COMMD10: variants seen among roughly 807,000 people sequenced by gnomAD.
COMMD10 encodes the protein COMM domain-containing protein 10.
Under a neutral mutation model 28.9 loss-of-function variants are expected in COMMD10, and 33 were observed. The observed-to-expected ratio is 1.14, with a 90% CI of 0.87 to 1.53. The LOEUF is 1.53. Among genes scored for constraint, COMMD10 ranks in the 40% most tolerant of loss-of-function variants. COMMD10 has a pLI of 0.00. For missense variants in COMMD10, 310 were observed against 233.4 expected, an observed-to-expected ratio of 1.33 and a Z score of -2.14; for synonymous variants, 110 against 81.7, an observed-to-expected ratio of 1.35 and a Z score of -1.87.
chr5:116,153,539 A>T (rs1212726361), intron 5 of COMMD10, among the ~76,000 whole-genome samples: 1 of 152,142 alleles, frequency 6.6e-6, no homozygotes, highest in Non-Finnish European at 1.5e-5. Context: ...ATGATAATAG[A>T]TAGCATTTAT....
At chr5:116,169,527 A>C (rs1418632017) in intron 5 of COMMD10, among the ~76,000 whole-genome samples, 1 of 152,216 alleles carries the variant, frequency 6.6e-6, no homozygotes, top group African/African-American at 2.4e-5. Context: ...CCTGGCAGAG[A>C]CACAACAAAA....
intron 5 of COMMD10, among the ~76,000 whole-genome samples, chr5:116,151,127 T>A (rs954604645): frequency 6.6e-6 from 1 of 152,084 alleles, no homozygotes; most frequent in African/African-American, 2.4e-5. Flanking sequence ...CATGTGGTTT[T>A]TGTTTTTGCT....
chr5:116,230,426 G>A (rs1454914847), intron 5 of COMMD10, among the ~76,000 whole-genome samples: 1 of 151,838 alleles, frequency 6.6e-6, no homozygotes, highest in Non-Finnish European at 1.5e-5. Flanking sequence ...ATTTTTCTAT[G>A]CACTAGACTG....
At chr5:116,093,503 G>A (rs965817620) in intron 4 of COMMD10, among the ~76,000 whole-genome samples, 5 of 152,114 alleles carry the variant, frequency 3.3e-5, no homozygotes, top group Non-Finnish European at 7.4e-5. Context: ...AACTGTGGGA[G>A]AGTTCTTGAA....
chr5:116,109,233 C>T (rs549001446), intron 4 of COMMD10, among the ~76,000 whole-genome samples: 10 of 152,238 alleles, frequency 6.6e-5, no homozygotes, highest in South Asian at 4.1e-4. Context: ...AGTTTTCTTT[C>T]GTCAGTATTT....
intron 5 of COMMD10, among the ~76,000 whole-genome samples, chr5:116,160,985 C>T (rs1168953017): frequency 6.6e-6 from 1 of 151,852 alleles, no homozygotes; most frequent in Non-Finnish European, 1.5e-5. Context: ...ATGTTAATAT[C>T]ATTTTTAAAA....
intron 5 of COMMD10, among the ~76,000 whole-genome samples, chr5:116,198,539 C>G (rs930336462): frequency 2.6e-5 from 4 of 152,010 alleles, no homozygotes; most frequent in Non-Finnish European, 4.4e-5. Context: ...ACTCAAGACC[C>G]TAGTTAATAT....
chr5:116,152,116 C>G (rs1340763552), intron 5 of COMMD10, among the ~76,000 whole-genome samples: 2 of 152,016 alleles, frequency 1.3e-5, no homozygotes, highest in African/African-American at 4.8e-5. Flanking sequence ...TGTTATGTAC[C>G]CAGTAGTCAT....
At chr5:116,230,235 AT>A (rs1458043842) in intron 5 of COMMD10, among the ~76,000 whole-genome samples, 1 of 151,880 alleles carries the variant, frequency 6.6e-6, no homozygotes, top group African/African-American at 2.4e-5. Context: ...CTTTTGTTTT[AT>A]TTTTATCTCC....
intron 5 of COMMD10, among the ~76,000 whole-genome samples, chr5:116,229,023 TTAGAG>T (rs1167025034): frequency 6.6e-6 from 1 of 152,012 alleles, no homozygotes; most frequent in Admixed American, 6.6e-5. Flanking sequence ...ACATTACAGT[TTAGAG>T]TAGAGAAGTT....
chr5:116,137,038 T>G (rs1013278092), intron 5 of COMMD10, among the ~76,000 whole-genome samples: 3 of 152,058 alleles, frequency 2.0e-5, no homozygotes, highest in Admixed American at 1.3e-4. Context: ...CATCTCCAAG[T>G]GTTATGGTGT....
chr5:116,196,753 G>A (rs1251801482), intron 5 of COMMD10, among the ~76,000 whole-genome samples: 1 of 150,786 alleles, frequency 6.6e-6, no homozygotes, highest in Non-Finnish European at 1.5e-5. Context: ...GCTTTTCACA[G>A]TCTATATAAT....
rs115092949 is a variant in COMMD10, at chr5:116,119,149, C to T, written c.400-14919C>T. Among the ~76,000 whole-genome samples, 1,210 of 152,258 alleles carry T rather than the reference C, an allele frequency of 7.9e-3. 20 individuals carry two copies. Among genetic ancestry groups the T allele is most frequent in the African/African-American group, 0.027 (1,123 of 41,552 alleles). On this transcript the variant is annotated intron_variant, in intron 4 of 6. Coordinates refer to ENST00000274458, the MANE Select transcript of COMMD10 (RefSeq NM_016144.4). ...AAAAATACATTGATGATTTCCCTCA[C>T]TTCCCTCCAACTTGAATATGAAGGC...
At chr5:116,173,854 T>TG (rs969050777) in intron 5 of COMMD10, among the ~76,000 whole-genome samples, 8 of 151,166 alleles carry the variant, frequency 5.3e-5, no homozygotes, top group Non-Finnish European at 7.4e-5. Flanking sequence ...TTTTTGTTTT[T>TG]TTTTTTTTGG....
rs73253255 is a variant in COMMD10 at position 116,145,827 on chromosome 5, A to G, written c.510+11649A>G. 9.9e-3 allele frequency among the ~76,000 whole-genome samples: 1,498 copies of G among 151,966 alleles called. 26 individuals carry two copies. The highest frequency in any genetic ancestry group is 0.034 in the African/African-American group (1,390 of 41,490). On this transcript the variant is annotated intron_variant, in intron 5 of 6. Coordinates refer to ENST00000274458, the MANE Select transcript of COMMD10 (RefSeq NM_016144.4). ...CAGCACTTCTCCTTCCTGCCAACTT[A>G]AGAAGAAGGTGTCTTGCTTCCTCTT...
At chr5:116,198,567 G>T (rs73257279) in intron 5 of COMMD10, among the ~76,000 whole-genome samples, 4 of 151,980 alleles carry the variant, frequency 2.6e-5, no homozygotes, top group Non-Finnish European at 5.9e-5. Flanking sequence ...CACTTTTGGT[G>T]TCATACATTT....
chr5:116,239,906 T>G (rs1749769618), intron 5 of COMMD10, among the ~76,000 whole-genome samples: 2 of 152,150 alleles, frequency 1.3e-5, no homozygotes, highest in African/African-American at 4.8e-5. Context: ...TGGCACTATC[T>G]ACTTATAACT....
chr5:116,173,746 C>T (rs910443582), intron 5 of COMMD10, among the ~76,000 whole-genome samples: 10 of 152,000 alleles, frequency 6.6e-5, no homozygotes, highest in Non-Finnish European at 1.5e-4. Flanking sequence ...AATAGAATTG[C>T]ACATACTAAC....
In COMMD10 at chr5:116,291,556, T is replaced by C; in HGVS notation, c.550T>C (p.Leu184=). Residue 184 remains leucine (L), a synonymous_variant, in exon 6 of 7, where the codon TTG becomes CTG. Coordinates refer to ENST00000274458, the MANE Select transcript of COMMD10 (RefSeq NM_016144.4). ...KVLVEFSHKE[L]FDFYNKLETI... is the part of the protein sequence containing the mutation. ...TCTTGTGGAATTCAGTCACAAGGAGTTGTTTGATTTCTATAACAAGGTCTG... is the reference window on the plus strand; with the variant it reads ...TCTTGTGGAATTCAGTCACAAGGAGCTGTTTGATTTCTATAACAAGGTCTG... 3 of 1,595,892 alleles carry C rather than the reference T, an allele frequency of 1.9e-6. No homozygotes were observed. Among genetic ancestry groups the C allele is most frequent in the Non-Finnish European group, 2.6e-6 (3 of 1,168,446 alleles).
Sources: gnomAD v4.1 joint callset for allele counts (sites outside exome capture counted in the v4.1 genomes callset) on GRCh38, gnomAD v4.1.1 for gene constraint, MANE v1.5 for transcripts, NCBI Gene and HGNC (gene_info 2026-07-23, HGNC 2026-07-21) for gene names.